The following MYPN variants were observed in gnomAD, a reference collection of about 807,000 sequenced individuals.
The protein encoded by MYPN is sarcomeric protein myopalladin, 145 kDa (MYOP).
Under a neutral mutation model 129.4 loss-of-function variants are expected in MYPN, and 63 were observed. That is an observed-to-expected ratio of 0.49 (90% CI 0.40 to 0.60). The LOEUF (loss-of-function observed/expected upper bound fraction) is 0.60, where lower values mean the gene tolerates loss of function less well. Among genes scored for constraint, MYPN ranks in the 20% least tolerant of loss-of-function variants. The probability of loss-of-function intolerance (pLI) is 0.00; values close to 1 mark genes in which losing one functional copy is unlikely to be tolerated. For missense variants in MYPN, 1,596 were observed against 1,635.4 expected, an observed-to-expected ratio of 0.98 and a Z score of 0.42; for synonymous variants, 629 against 600.9, an observed-to-expected ratio of 1.05 and a Z score of -0.68.
chr10:68,112,870 G>A (rs767659614), intron 1 of MYPN, among the ~76,000 whole-genome samples: 24 of 152,256 alleles, frequency 1.6e-4, no homozygotes, highest in Non-Finnish European at 3.4e-4. Flanking sequence ...AGTGTACCAA[G>A]TACACTCCAT....
chr10:68,194,342 C>G, intron 13 of MYPN, 21 bp from the exon 14 acceptor site: 1 of 1,611,214 alleles, frequency 6.2e-7, no homozygotes, highest in Non-Finnish European at 8.5e-7. Context: ...CAGTGTACAT[C>G]TTGATAATTT....
intron 2 of MYPN, among the ~76,000 whole-genome samples, chr10:68,137,011 G>A (rs1344151188): frequency 6.6e-6 from 1 of 151,794 alleles, no homozygotes; most frequent in Non-Finnish European, 1.5e-5. Context: ...CCCAAATGAG[G>A]TTTTATGTGA....
intron 6 of MYPN, among the ~76,000 whole-genome samples, chr10:68,152,659 G>C (rs1357174942): frequency 1.3e-5 from 2 of 152,120 alleles, no homozygotes; most frequent in South Asian, 4.1e-4. Context: ...TTTTGAGATG[G>C]AGTTTCAGTC....
At chr10:68,194,336 G>C in intron 13 of MYPN, 27 bp from the exon 14 acceptor site, 2 of 1,609,740 alleles carry the variant, frequency 1.2e-6, no homozygotes, top group Non-Finnish European at 1.7e-6. Flanking sequence ...ACAAAACAGT[G>C]TACATCTTGA....
intron 8 of MYPN, 26 bp downstream of exon 8, chr10:68,161,778 A>G (rs1355852971): frequency 1.3e-6 from 2 of 1,563,110 alleles, no homozygotes; most frequent in Non-Finnish European, 1.8e-6. Flanking sequence ...ACTTTAATTT[A>G]TTAGTATATG....
At chr10:68,088,278 T>C (rs2041915950) in intron 1 of MYPN, among the ~76,000 whole-genome samples, 1 of 151,936 alleles carries the variant, frequency 6.6e-6, no homozygotes, top group South Asian at 2.1e-4. Context: ...TTTAAAGCCA[T>C]GTGGGAAAAG....
rs2134311321 is a variant in MYPN, at chr10:68,201,909, G to C, written c.3574G>C (p.Glu1192Gln). Residue 1192 changes from glutamate to glutamine, a missense_variant, in exon 18 of 20, where the codon GAG (glutamate) becomes CAG (glutamine). Physicochemically the swap from Glu to Gln is conservative, Grantham distance 29. Transcript: ENST00000358913. ...TCCCGAAGGCCACCCCGTGAGACTG[G>C]AGTGCCGCGTGATAGGCATGCCCCC... ...GVPEGHPVRL[E>Q]CRVIGMPPPV... 1 of 1,614,156 alleles carries C rather than the reference G, an allele frequency of 6.2e-7. No individual in the cohort carries two copies. Among genetic ancestry groups the C allele is most frequent in the East Asian group, 2.2e-5 (1 of 44,876 alleles).
chr10:68,149,305 T>C (rs769881795), intron 5 of MYPN, among the ~76,000 whole-genome samples: 14 of 152,224 alleles, frequency 9.2e-5, no homozygotes, highest in Non-Finnish European at 1.9e-4. Flanking sequence ...AGGTACTTCA[T>C]GTTAGTAGTT....
rs552623473 is a variant in MYPN at position 68,208,900 on chromosome 10, C to A, written c.3794-1386C>A. Among the ~76,000 whole-genome samples the A allele has an allele frequency of 8.0e-4, 121 of 152,136 alleles. 1 individual carries two copies. Among genetic ancestry groups the A allele is most frequent in the East Asian group, 1.4e-3 (7 of 5,184 alleles). ...GTCCAGTTAAGATGTCAGAGAGAGCCGGGAAGGGCTAAGAGATGGAGGGGC... is the reference window on the plus strand; with the variant it reads ...GTCCAGTTAAGATGTCAGAGAGAGCAGGGAAGGGCTAAGAGATGGAGGGGC... On this transcript the variant is annotated intron_variant, in intron 19 of 19. Transcript: ENST00000358913.
chr10:68,149,711 T>C (rs182220202), intron 5 of MYPN, among the ~76,000 whole-genome samples: 1 of 152,304 alleles, frequency 6.6e-6, no homozygotes, highest in Non-Finnish European at 1.5e-5. Context: ...TTAGTTCTAA[T>C]CCATTGGTTT....
chr10:68,202,056 A>G (rs902168019), intron 18 of MYPN, 62 bp downstream of exon 18: 179 of 1,578,204 alleles, frequency 1.1e-4, no homozygotes, highest in Non-Finnish European at 1.5e-4. Context: ...GCGCCACCCA[A>G]ATAAGTCTGC....
chr10:68,202,274 A>T (rs1039556818), intron 18 of MYPN, among the ~76,000 whole-genome samples: 1 of 152,118 alleles, frequency 6.6e-6, no homozygotes, highest in Non-Finnish European at 1.5e-5. Context: ...TTACTAAAAA[A>T]TACAAAAAAT....
Position 68,166,526 on chromosome 10 carries a change from A to G in MYPN, c.1833A>G (p.Ala611=), listed in dbSNP as rs777360673. ...CTGAAGATGACAAAGGAAGTGAAGC[A>G]TCCTCCGAGGCTGGTGTGGTGACCA... The part of the protein sequence containing the change: ...NLPEDDKGSE[A]SSEAGVVTTR... The change falls in exon 10 of 20, where the codon GCA becomes GCG. Residue 611 remains alanine, a synonymous_variant. Coordinates refer to ENST00000358913, the MANE Select transcript of MYPN (RefSeq NM_032578.4). 6.2e-7 allele frequency: 1 copy of G among 1,614,130 alleles called. No individual in the cohort carries two copies. The highest frequency in any genetic ancestry group is 2.2e-5 in the East Asian group (1 of 44,882).
chr10:68,134,800 ATAAAT>A, intron 2 of MYPN, among the ~76,000 whole-genome samples: 1 of 152,132 alleles, frequency 6.6e-6, no homozygotes, highest in East Asian at 1.9e-4. Context: ...TCTCAAAAAA[ATAAAT>A]TAATTAATTA....
At chr10:68,152,714 C>A (rs1452197221) in intron 6 of MYPN, among the ~76,000 whole-genome samples, 1 of 152,132 alleles carries the variant, frequency 6.6e-6, no homozygotes, top group Non-Finnish European at 1.5e-5. Flanking sequence ...CAGCTCACTG[C>A]AACCTTGGCC....
chr10:68,157,918 A>T (rs1022921050), intron 6 of MYPN, among the ~76,000 whole-genome samples: 5 of 151,830 alleles, frequency 3.3e-5, no homozygotes, highest in African/African-American at 1.2e-4. Flanking sequence ...CAACAAAAAA[A>T]CCACCCCAAA....
chr10:68,174,771 C>A, intron 11 of MYPN, 115 bp downstream of exon 11: 2 of 952,022 alleles, frequency 2.1e-6, no homozygotes, highest in Non-Finnish European at 3.3e-6. Context: ...TAATCTTATT[C>A]TCTTAGGCAC....
At chr10:68,203,093 G>A (rs7094934) in intron 18 of MYPN, among the ~76,000 whole-genome samples, 22,316 of 152,082 alleles carry the variant, frequency 0.15, 2,129 homozygotes, top group Admixed American at 0.2. Flanking sequence ...TGCTGGGACC[G>A]GGTGATTGCT....
intron 1 of MYPN, among the ~76,000 whole-genome samples, chr10:68,117,487 C>G (rs1307637093): frequency 6.6e-6 from 1 of 151,968 alleles, no homozygotes; most frequent in Non-Finnish European, 1.5e-5. Context: ...GAGAAGAAAT[C>G]CCAGGGCAGT....
Sources: gnomAD v4.1 joint callset for allele counts (sites outside exome capture counted in the v4.1 genomes callset) on GRCh38, gnomAD v4.1.1 for gene constraint, MANE v1.5 for transcripts, NCBI Gene and HGNC (gene_info 2026-07-23, HGNC 2026-07-21) for gene names.